Variants in CCSER1 observed in about 807,000 individuals in gnomAD.
CCSER1 encodes coiled-coil serine rich protein 1.
A neutral mutation model predicts 82.0 loss-of-function variants in CCSER1; 41 were observed. That is an observed-to-expected ratio of 0.50 (90% CI 0.39 to 0.65). The LOEUF (loss-of-function observed/expected upper bound fraction) is 0.65, where lower values mean the gene tolerates loss of function less well. CCSER1 is among the 30% of genes least tolerant of loss of function. The pLI is 0.00. For synonymous variants in CCSER1, 414 were observed against 383.9 expected, an observed-to-expected ratio of 1.08 and a Z score of -0.92; for missense variants, 1,119 against 1,064.2, an observed-to-expected ratio of 1.05 and a Z score of -0.72.
chr4:90,572,557 A>C (rs1349772572), intron 5 of CCSER1, among the ~76,000 whole-genome samples: 1 of 151,644 alleles, frequency 6.6e-6, no homozygotes, highest in African/African-American at 2.4e-5. Context: ...TTTAAATAAC[A>C]TATCTTTGAG....
At chr4:91,341,357 T>C (rs1275836361) in intron 10 of CCSER1, among the ~76,000 whole-genome samples, 1 of 152,184 alleles carries the variant, frequency 6.6e-6, no homozygotes, top group Non-Finnish European at 1.5e-5. Flanking sequence ...GGTGATATGC[T>C]TGGAACTACA....
intron 4 of CCSER1, among the ~76,000 whole-genome samples, chr4:90,457,099 G>C (rs1024189221): frequency 8.5e-5 from 13 of 152,178 alleles, no homozygotes; most frequent in African/African-American, 3.1e-4. Context: ...ACTGGCTGGG[G>C]CTGGCGGGCT....
intron 5 of CCSER1, among the ~76,000 whole-genome samples, chr4:90,585,299 A>G (rs1404504224): frequency 6.6e-6 from 1 of 152,198 alleles, no homozygotes; most frequent in Non-Finnish European, 1.5e-5. Flanking sequence ...CAACTTGGAA[A>G]ACTATTGGAG....
At chr4:91,354,519 C>T (rs953084443) in intron 10 of CCSER1, among the ~76,000 whole-genome samples, 1 of 152,198 alleles carries the variant, frequency 6.6e-6, no homozygotes. Flanking sequence ...GAATGGATTT[C>T]TTTCTGTGTA....
chr4:90,137,476 T>C (rs1391253110), intron 1 of CCSER1, among the ~76,000 whole-genome samples: 1 of 152,072 alleles, frequency 6.6e-6, no homozygotes, highest in Non-Finnish European at 1.5e-5. Context: ...GACCCCAGAG[T>C]GGTAACTATC....
chr4:91,378,279 C>G (rs1292396977), intron 10 of CCSER1, among the ~76,000 whole-genome samples: 1 of 152,154 alleles, frequency 6.6e-6, no homozygotes, highest in African/African-American at 2.4e-5. Context: ...TTTTCCAATT[C>G]TGTGAAGAAA....
rs539587894 is a variant in CCSER1, at chr4:90,377,327, G to A, written c.1510-22709G>A. Among the ~76,000 whole-genome samples, 4 of 152,196 alleles carry A rather than the reference G, an allele frequency of 2.6e-5. No homozygotes were observed. The South Asian group carries it at 6.2e-4, about 24-fold the overall frequency. ...CTATTCCACCAACATTTATGACTAG[G>A]TAATAAAATCTCATTTTTACTGAAA... On this transcript the variant is annotated intron_variant, in intron 3 of 10. Coordinates refer to ENST00000509176, the MANE Select transcript of CCSER1 (RefSeq NM_001145065.2).
At chr4:90,494,759 T>C (rs1013790254) in intron 5 of CCSER1, among the ~76,000 whole-genome samples, 2 of 152,178 alleles carry the variant, frequency 1.3e-5, no homozygotes, top group Non-Finnish European at 2.9e-5. Context: ...ATTCTATTAC[T>C]AAATCAACTC....
At chr4:90,652,565 T>G (rs1406249183) in intron 6 of CCSER1, among the ~76,000 whole-genome samples, 2 of 152,102 alleles carry the variant, frequency 1.3e-5, no homozygotes, top group Non-Finnish European at 2.9e-5. Flanking sequence ...AAGGAAAAGA[T>G]CTAGACCCAA....
intron 5 of CCSER1, among the ~76,000 whole-genome samples, chr4:90,505,570 G>GT (rs1281475329): frequency 6.6e-6 from 1 of 152,124 alleles, no homozygotes; most frequent in Non-Finnish European, 1.5e-5. Context: ...TACTTTTATG[G>GT]TTTTTTTGAT....
intron 1 of CCSER1, among the ~76,000 whole-genome samples, chr4:90,219,541 G>A (rs561144088): frequency 2.0e-5 from 3 of 152,112 alleles, no homozygotes; most frequent in Admixed American, 1.3e-4. Flanking sequence ...ATCATTCTGT[G>A]TCACTTACCT....
chr4:91,386,105 G>A (rs1030607713), intron 10 of CCSER1, among the ~76,000 whole-genome samples: 3 of 147,486 alleles, frequency 2.0e-5, no homozygotes, highest in African/African-American at 5.0e-5. Flanking sequence ...CCTGAATCCT[G>A]TTTTTTTTTT....
At chr4:90,352,611 G>A (rs1440412859) in intron 3 of CCSER1, among the ~76,000 whole-genome samples, 2 of 151,864 alleles carry the variant, frequency 1.3e-5, no homozygotes, top group African/African-American at 2.4e-5. Context: ...GCAGTGAGCC[G>A]AGATCGTGCC....
rs577099737 is a variant in CCSER1, at chr4:91,541,556, C to T, written c.2218-57016C>T. 8.5e-5 allele frequency among the ~76,000 whole-genome samples: 13 copies of T among 152,304 alleles called. No homozygotes were observed. In the South Asian group the frequency reaches 2.7e-3, roughly 32 times the overall value. ...TCCATGTCCCTACAAAGGACATGAACTCATCCTTTTTTATGGCTGCATAGT... is the reference window on the plus strand; with the variant it reads ...TCCATGTCCCTACAAAGGACATGAATTCATCCTTTTTTATGGCTGCATAGT... On this transcript the variant is annotated intron_variant, in intron 10 of 10. Coordinates refer to ENST00000509176, the MANE Select transcript of CCSER1 (RefSeq NM_001145065.2).
chr4:90,414,211 A>T (rs1384409108), intron 4 of CCSER1, among the ~76,000 whole-genome samples: 1 of 151,074 alleles, frequency 6.6e-6, no homozygotes, highest in African/African-American at 2.4e-5. Context: ...AAAAATTTCA[A>T]TAATTTACCA....
intron 10 of CCSER1, among the ~76,000 whole-genome samples, chr4:91,576,049 C>A (rs1326076611): frequency 2.6e-5 from 4 of 151,944 alleles, no homozygotes; most frequent in Non-Finnish European, 4.4e-5. Context: ...GATATTTACA[C>A]TTACTCGTTC....
At chr4:91,342,287 A>G (rs1747772253) in intron 10 of CCSER1, among the ~76,000 whole-genome samples, 1 of 152,228 alleles carries the variant, frequency 6.6e-6, no homozygotes, top group African/African-American at 2.4e-5. Flanking sequence ...ATTCAAACCC[A>G]GATAGCCTGA....
chr4:90,490,089 A>G (rs1475713129), intron 5 of CCSER1, among the ~76,000 whole-genome samples: 3 of 152,204 alleles, frequency 2.0e-5, no homozygotes, highest in Admixed American at 6.5e-5. Flanking sequence ...TCCCTGAGGA[A>G]TCACCACACT....
At chr4:90,209,583 G>A (rs7700100) in intron 1 of CCSER1, among the ~76,000 whole-genome samples, 93,311 of 151,878 alleles carry the variant, frequency 0.61, 30,077 homozygotes, top group East Asian at 0.83. Flanking sequence ...GATCTAATCA[G>A]TGAGACCTTA....
Sources: gnomAD v4.1 joint callset for allele counts (sites outside exome capture counted in the v4.1 genomes callset) on GRCh38, gnomAD v4.1.1 for gene constraint, MANE v1.5 for transcripts, NCBI Gene and HGNC (gene_info 2026-07-23, HGNC 2026-07-21) for gene names.